Variants in KLHL32 observed in about 807,000 individuals in gnomAD.
The protein encoded by KLHL32 is kelch-like protein 32.
Under a neutral mutation model 64.8 loss-of-function variants are expected in KLHL32, and 35 were observed. The ratio of observed to expected loss-of-function variants is 0.54; its 90% CI spans 0.41 to 0.72. The LOEUF (loss-of-function observed/expected upper bound fraction) is 0.72. Among genes scored for constraint, KLHL32 ranks in the 30% least tolerant of loss-of-function variants. The probability of loss-of-function intolerance (pLI) is 0.00; values close to 1 mark genes in which losing one functional copy is unlikely to be tolerated. For missense variants in KLHL32, 589 were observed against 768.5 expected (o/e 0.77, Z 2.76); for synonymous variants, 259 against 281.0 (o/e 0.92, Z 0.78).
In KLHL32 at chr6:96,967,066, G is replaced by A. The variant is rs145552576; in HGVS notation, c.6G>A (p.Pro2=). ...CTGAGGAACCCAGCTGGAAAATGCCGTCTGAACGCTGCCTCAGGTATGCCC... is the reference window on the plus strand; with the variant it reads ...CTGAGGAACCCAGCTGGAAAATGCCATCTGAACGCTGCCTCAGGTATGCCC... M[P]SERCLSIQEM... is the part of the protein sequence containing the mutation. Residue 2 remains proline, a synonymous_variant, in exon 2 of 11, where the codon CCG becomes CCA. Coordinates refer to ENST00000369261, the MANE Select transcript of KLHL32 (RefSeq NM_052904.4). 1.3e-4 allele frequency: 215 copies of A among 1,613,634 alleles called. No individual in the cohort carries two copies. The highest frequency in any genetic ancestry group is 1.6e-4 in the Non-Finnish European group (190 of 1,179,876).
chr6:96,924,319 T>C (rs1768874338), upstream of KLHL32, among the ~76,000 whole-genome samples: 1 of 152,020 alleles, frequency 6.6e-6, no homozygotes, highest in Non-Finnish European at 1.5e-5. Context: ...GCAGGCTGGG[T>C]TCCCGGGTCT....
intron 4 of KLHL32, among the ~76,000 whole-genome samples, chr6:97,055,844 C>T (rs1787775021): frequency 7.5e-6 from 1 of 133,634 alleles, no homozygotes; most frequent in East Asian, 2.1e-4. Context: ...TTCTATATTC[C>T]TCTTGAGCTA....
chr6:97,102,576 T>C (rs1365779759), intron 6 of KLHL32, among the ~76,000 whole-genome samples: 15 of 152,176 alleles, frequency 9.9e-5, no homozygotes, highest in Admixed American at 7.2e-4. Flanking sequence ...AATGCTCTGA[T>C]GCAATCCCAG....
chr6:97,071,361 G>T (rs117035720), intron 5 of KLHL32, among the ~76,000 whole-genome samples: 2 of 151,830 alleles, frequency 1.3e-5, no homozygotes, highest in Non-Finnish European at 2.9e-5. Flanking sequence ...TCTCTTTCTC[G>T]GGGCTCTCTC....
intron 3 of KLHL32, among the ~76,000 whole-genome samples, chr6:96,985,664 C>G (rs1776938717): frequency 6.6e-6 from 1 of 152,020 alleles, no homozygotes; most frequent in Admixed American, 6.5e-5. Flanking sequence ...TTGATCGAAT[C>G]AGCTACTGAG....
intron 3 of KLHL32, among the ~76,000 whole-genome samples, chr6:96,982,655 G>C (rs1327722127): frequency 6.6e-6 from 1 of 152,168 alleles, no homozygotes; most frequent in Non-Finnish European, 1.5e-5. Flanking sequence ...GTGAATGGGA[G>C]TTCACTCATG....
At position 97,007,106 on chromosome 6, in the gene KLHL32, C is replaced by T. The variant is rs544348031; in HGVS notation, c.204+30929C>T. On this transcript the variant is annotated intron_variant, in intron 3 of 10. Coordinates refer to ENST00000369261, the MANE Select transcript of KLHL32 (RefSeq NM_052904.4). ...TGTTTTCTAAGTTGCTTGTTTTTTT[C>T]TCTCTCTCTTTTAGGGATGCTAATG... Among the ~76,000 whole-genome samples the T allele has an allele frequency of 3.2e-3, 480 of 152,160 alleles. 2 individuals carry two copies. The highest frequency in any genetic ancestry group is 0.011 in the African/African-American group (465 of 41,506).
At chr6:97,064,289 A>G (rs899874007) in intron 4 of KLHL32, among the ~76,000 whole-genome samples, 8 of 152,230 alleles carry the variant, frequency 5.3e-5, no homozygotes, top group Admixed American at 3.9e-4. Context: ...TTTGCATTTT[A>G]TAAGATTATA....
intron 8 of KLHL32, among the ~76,000 whole-genome samples, chr6:97,130,466 A>G (rs1274198927): frequency 6.6e-6 from 1 of 152,238 alleles, no homozygotes; most frequent in East Asian, 1.9e-4. Context: ...GATAAACATC[A>G]TGAAAATTTC....
chr6:96,954,076 G>A (rs1006397957), intron 1 of KLHL32, among the ~76,000 whole-genome samples: 8 of 151,834 alleles, frequency 5.3e-5, no homozygotes, highest in Admixed American at 2.6e-4. Context: ...TCTCTTTCTT[G>A]TGTTGAATCC....
At chr6:97,109,982 TA>T (rs1227793800) in intron 6 of KLHL32, among the ~76,000 whole-genome samples, 1 of 152,194 alleles carries the variant, frequency 6.6e-6, no homozygotes, top group Non-Finnish European at 1.5e-5. Context: ...TGAGAACTTT[TA>T]AAAACACTGT....
intron 1 of KLHL32, among the ~76,000 whole-genome samples, chr6:96,926,313 A>G (rs767913971): frequency 2.0e-5 from 3 of 152,242 alleles, no homozygotes; most frequent in Non-Finnish European, 2.9e-5. Flanking sequence ...GTAATAAATA[A>G]TGTGAGGAGC....
At chr6:97,056,106 CTTTTTTTTTT>C (rs1171932769) in intron 4 of KLHL32, among the ~76,000 whole-genome samples, 12 of 85,080 alleles carry the variant, frequency 1.4e-4, no homozygotes, top group Admixed American at 4.1e-4. Flanking sequence ...CTTTTTTTTT[CTTTTTTTTTT>C]TTTTTTTGAG....
the KLHL32 span, among the ~76,000 whole-genome samples, chr6:96,913,362 T>C: frequency 6.6e-6 from 1 of 152,200 alleles, no homozygotes; most frequent in Non-Finnish European, 1.5e-5. Flanking sequence ...TGAAACGTAA[T>C]GTAGGTCCCA....
chr6:96,988,918 G>C (rs1038511384), intron 3 of KLHL32, among the ~76,000 whole-genome samples: 11 of 151,730 alleles, frequency 7.2e-5, no homozygotes, highest in Admixed American at 3.3e-4. Context: ...AACACATGGA[G>C]ACAGGAAGGG....
intron 3 of KLHL32, among the ~76,000 whole-genome samples, chr6:96,981,298 G>T (rs953537718): frequency 6.6e-6 from 1 of 152,120 alleles, no homozygotes; most frequent in African/African-American, 2.4e-5. Context: ...GAGGTTGTAT[G>T]TTTCCATGAA....
At chr6:97,092,107 C>T (rs568916974) in intron 6 of KLHL32, among the ~76,000 whole-genome samples, 17 of 151,952 alleles carry the variant, frequency 1.1e-4, no homozygotes, top group African/African-American at 3.4e-4. Context: ...CTCCAGCCTC[C>T]GCCTCCCAAG....
At chr6:97,051,468 C>A (rs1249609154) in intron 4 of KLHL32, among the ~76,000 whole-genome samples, 2 of 152,206 alleles carry the variant, frequency 1.3e-5, no homozygotes, top group African/African-American at 4.8e-5. Flanking sequence ...AACAGTAGAT[C>A]AACCCTCCTA....
Position 97,061,180 on chromosome 6 carries a change from C to G in KLHL32, c.313-3448C>G, listed in dbSNP as rs1388329091. Among the ~76,000 whole-genome samples the G allele has an allele frequency of 2.0e-5, 3 of 152,118 alleles. 1 individual carries two copies. Among genetic ancestry groups the G allele is most frequent in the African/African-American group, 7.2e-5 (3 of 41,424 alleles). On this transcript the variant is annotated intron_variant, in intron 4 of 10. Transcript: ENST00000369261. ...CTGTGAACAAGAAACATTCATGCCC[C>G]CACCTAAGTTTGCTCCTGGTTGCAT...
Sources: gnomAD v4.1 joint callset for allele counts (sites outside exome capture counted in the v4.1 genomes callset) on GRCh38, gnomAD v4.1.1 for gene constraint, MANE v1.5 for transcripts, NCBI Gene and HGNC (gene_info 2026-07-23, HGNC 2026-07-21) for gene names.